Variants in SEC14L5 observed in about 807,000 individuals in gnomAD.
SEC14L5 encodes SEC14 like lipid binding 5.
Under a neutral mutation model 84.6 loss-of-function variants are expected in SEC14L5, and 96 were observed. That is an observed-to-expected ratio of 1.13 (90% confidence interval 0.96 to 1.34). The LOEUF is 1.34. Among genes scored for constraint, SEC14L5 ranks in the 40% most tolerant of loss-of-function variants. The pLI is 0.00. For synonymous variants in SEC14L5, 546 were observed against 383.4 expected (o/e 1.42, Z -4.95); for missense variants, 1,224 against 942.5 (o/e 1.30, Z -3.91).
At chr16:5,013,000 T>C (rs1955823681) in intron 15 of SEC14L5, among the ~76,000 whole-genome samples, 1 of 151,714 alleles carries the variant, frequency 6.6e-6, no homozygotes, top group Admixed American at 6.6e-5. Flanking sequence ...CTCAGGAAAC[T>C]TACTATCATG....
At chr16:5,007,806 A>G (rs1019916464) in intron 13 of SEC14L5, among the ~76,000 whole-genome samples, 1 of 150,318 alleles carries the variant, frequency 6.7e-6, no homozygotes, top group Non-Finnish European at 1.5e-5. Context: ...GGTTTTCGTC[A>G]TGTTGGTCAG....
chr16:5,000,530 C>T (rs1468613667), intron 8 of SEC14L5, 125 bp from the exon 9 acceptor site: 62 of 689,724 alleles, frequency 9.0e-5, no homozygotes, highest in Non-Finnish European at 1.2e-4. Flanking sequence ...TAAGTGAAGG[C>T]TGGATCGGGC....
Position 4,997,019 on chromosome 16 carries a change from A to G in SEC14L5, c.945A>G (p.Ala315=). The change falls in exon 8 of 16, where the codon GCA becomes GCG. Residue 315 remains alanine (A), a synonymous_variant. Transcript: ENST00000251170. ...CTGCCCTGCTGGAGGAGTTCTATGC[A>G]GGGGGCTGGCATTACCAGGACATAG... is the stretch of plus-strand genomic sequence containing the variant. The part of the protein sequence containing the change: ...QPPALLEEFY[A]GGWHYQDIDG... 6.2e-7 allele frequency: 1 copy of G among 1,612,274 alleles called. No homozygotes were observed. The highest frequency in any genetic ancestry group is 8.5e-7 in the Non-Finnish European group (1 of 1,179,190).
chr16:4,979,744 G>A (rs1459212205), intron 2 of SEC14L5, among the ~76,000 whole-genome samples: 3 of 151,722 alleles, frequency 2.0e-5, no homozygotes, highest in African/African-American at 7.3e-5. Context: ...CATTTTCCCT[G>A]CAGCAGGAGG....
rs1272609824 is a variant in SEC14L5 at position 4,966,957 on chromosome 16, A to T, written c.63+7571A>T. Among the ~76,000 whole-genome samples, 5 of 152,162 alleles carry T rather than the reference A, an allele frequency of 3.3e-5. No homozygotes were observed. The East Asian group carries it at 7.7e-4, about 23-fold the overall frequency. The stretch of plus-strand genomic sequence containing the variant: ...CGGCCAAGCCCGGGAGTGTTTATTC[A>T]GCGCTACCTGTGGCCAGCCCTTTAG... On this transcript the variant is annotated intron_variant, in intron 2 of 15. Coordinates refer to ENST00000251170, the MANE Select transcript of SEC14L5 (RefSeq NM_014692.2).
Position 4,991,863 on chromosome 16 carries a change from T to C in SEC14L5, c.500T>C (p.Leu167Pro). The change falls in exon 6 of 16, where the codon CTG (leucine) becomes CCG (proline). Residue 167 changes from leucine (L) to proline (P), a missense_variant. Physicochemically the swap from Leu to Pro is moderately conservative, Grantham distance 98. Coordinates refer to ENST00000251170, the MANE Select transcript of SEC14L5 (RefSeq NM_014692.2). The stretch of plus-strand genomic sequence containing the variant: ...GGGAAGGAGGTGATTGAGCATTACC[T>C]GAATGAGCTCATCTCCCAGGGTACC... ...KRGKEVIEHY[L>P]NELISQGTSH... The C allele has an allele frequency of 6.2e-7, 1 of 1,609,230 alleles. No homozygotes were observed. Among genetic ancestry groups the C allele is most frequent in the Non-Finnish European group, 8.5e-7 (1 of 1,178,142 alleles).
At chr16:4,996,541 G>C (rs556140912) in intron 7 of SEC14L5, 81 bp downstream of exon 7, 2 of 723,334 alleles carry the variant, frequency 2.8e-6, no homozygotes, top group Admixed American at 4.7e-5. Context: ...AAGGAAAGGC[G>C]AGATGATAAT....
intron 14 of SEC14L5, among the ~76,000 whole-genome samples, chr16:5,009,755 A>G (rs1159593870): frequency 1.3e-5 from 2 of 152,166 alleles, no homozygotes; most frequent in Non-Finnish European, 2.9e-5. Context: ...AAGGATGAGC[A>G]TATTGGAATT....
chr16:4,985,526 C>G (rs552511869), intron 2 of SEC14L5, among the ~76,000 whole-genome samples: 1 of 152,204 alleles, frequency 6.6e-6, no homozygotes, highest in Non-Finnish European at 1.5e-5. Context: ...CCGCGCCCGG[C>G]TCCAACTTCA....
At chr16:4,967,722 G>A (rs959131811) in intron 2 of SEC14L5, among the ~76,000 whole-genome samples, 20 of 148,820 alleles carry the variant, frequency 1.3e-4, no homozygotes, top group African/African-American at 4.2e-4. Flanking sequence ...ACAGGTGCCC[G>A]CCACCATGCC....
In SEC14L5 at chr16:4,991,946, G is replaced by T; in HGVS notation, c.583G>T (p.Ala195Ser). The T allele has an allele frequency of 6.3e-7, 1 of 1,599,496 alleles. No individual in the cohort carries two copies. ...CCGTGAGGAGGATGCCCGCAACCAGGCTGGACCGAGGGACCCCAGCTCCCT... is the reference window on the plus strand; with the variant it reads ...CCGTGAGGAGGATGCCCGCAACCAGTCTGGACCGAGGGACCCCAGCTCCCT... ...PVREEDARNQ[A>S]GPRDPSSLEA... Residue 195 changes from alanine to serine, a missense_variant, in exon 6 of 16, where the codon GCT becomes TCT. Transcript: ENST00000251170.
chr16:5,008,721 G>A (rs1018820329), intron 14 of SEC14L5, 73 bp downstream of exon 14: 2 of 1,356,896 alleles, frequency 1.5e-6, no homozygotes, highest in Non-Finnish European at 2.1e-6. Context: ...GGCTTCTGGG[G>A]ATACAGCGGA....
intron 2 of SEC14L5, among the ~76,000 whole-genome samples, chr16:4,966,336 T>C (rs1955200565): frequency 7.1e-6 from 1 of 140,136 alleles, no homozygotes; most frequent in Non-Finnish European, 1.5e-5. Context: ...TGCAGTGGCA[T>C]GGTCTCGGCT....
chr16:4,980,918 A>T (rs1955415275), intron 2 of SEC14L5, among the ~76,000 whole-genome samples: 1 of 152,048 alleles, frequency 6.6e-6, no homozygotes, highest in African/African-American at 2.4e-5. Context: ...TCAGCGTTCC[A>T]AGCATCTGGA....
At chr16:5,001,091 C>T (rs1484870796) in intron 10 of SEC14L5, among the ~76,000 whole-genome samples, 166 bp downstream of exon 10, 4 of 152,084 alleles carry the variant, frequency 2.6e-5, no homozygotes, top group Admixed American at 1.3e-4. Flanking sequence ...GTAAGCATCC[C>T]CGTTTTCTAT....
At position 5,000,934 on chromosome 16, in the gene SEC14L5, C is replaced by A. The variant is rs999498345; in HGVS notation, c.1130+9C>A. On this transcript the variant is annotated intron_variant, in intron 10 of 15. Coordinates refer to ENST00000251170, the MANE Select transcript of SEC14L5 (RefSeq NM_014692.2). ...CTGGGCCGTCCCATCAGGCAAACAC[C>A]TGGGCTGGGCACAAATCCCCCCTAA... 5 of 1,597,490 alleles carry A rather than the reference C, an allele frequency of 3.1e-6. No individual in the cohort carries two copies. Among genetic ancestry groups the A allele is most frequent in the South Asian group, 1.1e-5 (1 of 88,694 alleles).
At chr16:4,987,843 A>T (rs1955509384) in intron 3 of SEC14L5, 137 bp downstream of exon 3, 1 of 708,856 alleles carries the variant, frequency 1.4e-6, no homozygotes, top group South Asian at 2.0e-5. Context: ...ATTTGGATGG[A>T]GGTTCCAGGA....
chr16:5,004,709 T>G (rs1955712464), intron 11 of SEC14L5, among the ~76,000 whole-genome samples: 1 of 152,166 alleles, frequency 6.6e-6, no homozygotes, highest in Non-Finnish European at 1.5e-5. Flanking sequence ...CACCTATCTC[T>G]TGGCTTGTGG....
At chr16:5,011,959 C>G (rs1955810397) in intron 15 of SEC14L5, among the ~76,000 whole-genome samples, 1 of 152,212 alleles carries the variant, frequency 6.6e-6, no homozygotes, top group Non-Finnish European at 1.5e-5. Context: ...ATTTTGCACC[C>G]TGCTTCATGA....
Sources: gnomAD v4.1 joint callset for allele counts (sites outside exome capture counted in the v4.1 genomes callset) on GRCh38, gnomAD v4.1.1 for gene constraint, MANE v1.5 for transcripts, NCBI Gene and HGNC (gene_info 2026-07-23, HGNC 2026-07-21) for gene names.